The following TEAD1 variants were observed in gnomAD, a reference collection of about 807,000 sequenced individuals.
TEAD1 encodes the protein transcriptional enhancer factor TEF-1.
A neutral mutation model predicts 54.9 loss-of-function variants in TEAD1; 9 were observed. That is an observed-to-expected ratio of 0.16 (90% CI 0.10 to 0.29). The LOEUF is 0.29. TEAD1 is among the 10% of genes least tolerant of loss of function. The pLI, the probability that TEAD1 is intolerant of heterozygous loss-of-function variation, is 1.00. For synonymous variants in TEAD1, 200 were observed against 187.8 expected (o/e 1.07, Z -0.53); for missense variants, 387 against 535.9 (o/e 0.72, Z 2.74).
intron 9 of TEAD1, among the ~76,000 whole-genome samples, chr11:12,890,048 A>G (rs1401829556): frequency 1.3e-5 from 2 of 152,160 alleles, no homozygotes; most frequent in Admixed American, 6.5e-5. Context: ...TATTATGTCA[A>G]TAATGATCAT....
intron 3 of TEAD1, among the ~76,000 whole-genome samples, chr11:12,831,888 T>A (rs1946791568): frequency 6.6e-6 from 1 of 152,212 alleles, no homozygotes; most frequent in Non-Finnish European, 1.5e-5. Context: ...TGTTTTTAAA[T>A]AGCATGTAAG....
intron 10 of TEAD1, among the ~76,000 whole-genome samples, chr11:12,924,665 T>C (rs1948876578): frequency 6.6e-6 from 1 of 152,180 alleles, no homozygotes; most frequent in Non-Finnish European, 1.5e-5. Context: ...AGTATTCTGA[T>C]ACTGAATGCA....
intron 3 of TEAD1, among the ~76,000 whole-genome samples, chr11:12,774,477 C>T (rs1423388342): frequency 2.0e-5 from 3 of 152,096 alleles, no homozygotes; most frequent in South Asian, 2.1e-4. Flanking sequence ...TGTCTAAAAG[C>T]AGAGAGCAGA....
intron 3 of TEAD1, among the ~76,000 whole-genome samples, chr11:12,764,872 A>G (rs1257010788): frequency 1.3e-5 from 2 of 149,786 alleles, no homozygotes; most frequent in South Asian, 2.2e-4. Flanking sequence ...CCCTTGAGGA[A>G]GAGCCAGCAT....
At chr11:12,919,263 T>TA (rs1948764647) in intron 10 of TEAD1, among the ~76,000 whole-genome samples, 1 of 151,724 alleles carries the variant, frequency 6.6e-6, no homozygotes, top group Non-Finnish European at 1.5e-5. Flanking sequence ...GAAGCTATAT[T>TA]AAAGTTGTTT....
intron 5 of TEAD1, among the ~76,000 whole-genome samples, chr11:12,871,516 CT>C (rs769960060): frequency 6.6e-6 from 1 of 152,178 alleles, no homozygotes; most frequent in Non-Finnish European, 1.5e-5. Flanking sequence ...CTCAGAGTTT[CT>C]TTGTAGAGTT....
At position 12,857,578 on chromosome 11, in the gene TEAD1, CTGTG is replaced by C. The variant is rs10694132; in HGVS notation, c.203-4640_203-4637del. 4.9e-3 allele frequency among the ~76,000 whole-genome samples: 715 copies of C among 145,834 alleles called. 5 individuals carry two copies. The highest frequency in any genetic ancestry group is 0.013 in the African/African-American group (509 of 38,808). The stretch of plus-strand genomic sequence containing the variant: ...ATCAAGCATCTCTCTCTCTCTGTCT[CTGTG>C]TGTGTGTGTGTGTGTGTGTGTGTGT... On this transcript the variant is annotated intron_variant, in intron 3 of 12. Transcript: ENST00000527636.
intron 2 of TEAD1, among the ~76,000 whole-genome samples, chr11:12,687,728 A>G (rs1943363070): frequency 6.6e-6 from 1 of 152,144 alleles, no homozygotes; most frequent in South Asian, 2.1e-4. Flanking sequence ...TAAGGTCTTG[A>G]AAAGTTGGGT....
chr11:12,887,136 A>G (rs1948107678), intron 9 of TEAD1, among the ~76,000 whole-genome samples: 1 of 136,052 alleles, frequency 7.4e-6, no homozygotes, highest in South Asian at 2.3e-4. Context: ...TTGCTCTGTC[A>G]CTCAGGCTGG....
intron 3 of TEAD1, among the ~76,000 whole-genome samples, chr11:12,772,254 A>G (rs1273532023): frequency 6.6e-6 from 1 of 152,244 alleles, no homozygotes; most frequent in Non-Finnish European, 1.5e-5. Context: ...GGAAGGAGAC[A>G]CGGTATCCTG....
chr11:12,901,745 A>G (rs1225524266), intron 9 of TEAD1, among the ~76,000 whole-genome samples, 195 bp from the exon 10 acceptor site: 1 of 152,194 alleles, frequency 6.6e-6, no homozygotes, highest in Non-Finnish European at 1.5e-5. Flanking sequence ...CTTGTCAGTA[A>G]AAAGCAATGA....
At chr11:12,857,578 C>CTCTGTGTGTGTG (rs1343843895) in intron 3 of TEAD1, among the ~76,000 whole-genome samples, 2 of 145,846 alleles carry the variant, frequency 1.4e-5, no homozygotes, top group African/African-American at 5.2e-5. Flanking sequence ...CTCTCTGTCT[C>CTCTGTGTGTGTG]TGTGTGTGTG....
chr11:12,935,647 A>G (rs1268882436), intron 12 of TEAD1, among the ~76,000 whole-genome samples: 2 of 151,960 alleles, frequency 1.3e-5, no homozygotes, highest in South Asian at 4.2e-4. Context: ...TTTAGTAGAG[A>G]CGGGGTTTCA....
intron 2 of TEAD1, among the ~76,000 whole-genome samples, chr11:12,715,530 T>G (rs1336697521): frequency 6.6e-6 from 1 of 152,192 alleles, no homozygotes; most frequent in East Asian, 1.9e-4. Context: ...GAAGCTTGTT[T>G]CTGGAAGCCG....
intron 3 of TEAD1, among the ~76,000 whole-genome samples, chr11:12,782,739 T>C (rs1945584785): frequency 6.6e-6 from 1 of 152,222 alleles, no homozygotes; most frequent in Admixed American, 6.5e-5. Context: ...TCTGACTTCA[T>C]GTGCAGAGCA....
chr11:12,890,163 C>T (rs1948170212), intron 9 of TEAD1, among the ~76,000 whole-genome samples: 1 of 152,200 alleles, frequency 6.6e-6, no homozygotes, highest in African/African-American at 2.4e-5. Flanking sequence ...CAAGCTCTAC[C>T]TCCAAAAACG....
At chr11:12,905,319 G>A (rs1948499596) in intron 10 of TEAD1, among the ~76,000 whole-genome samples, 1 of 152,184 alleles carries the variant, frequency 6.6e-6, no homozygotes, top group Non-Finnish European at 1.5e-5. Flanking sequence ...GATGTTTAGA[G>A]TATGGTAGCT....
At chr11:12,696,152 T>C (rs1943576692) in intron 2 of TEAD1, among the ~76,000 whole-genome samples, 3 of 152,242 alleles carry the variant, frequency 2.0e-5, no homozygotes, top group Admixed American at 6.5e-5. Context: ...CTTTGTGGAT[T>C]TAACAAAGGT....
chr11:12,699,070 A>G (rs1242990168), intron 2 of TEAD1, among the ~76,000 whole-genome samples: 1 of 152,232 alleles, frequency 6.6e-6, no homozygotes, highest in Non-Finnish European at 1.5e-5. Context: ...TATATTTTAT[A>G]TAATTGGATA....
Sources: gnomAD v4.1 joint callset for allele counts (sites outside exome capture counted in the v4.1 genomes callset) on GRCh38, gnomAD v4.1.1 for gene constraint, MANE v1.5 for transcripts, NCBI Gene and HGNC (gene_info 2026-07-23, HGNC 2026-07-21) for gene names.